The following NRXN3 variants were observed in gnomAD, a reference collection of about 807,000 sequenced individuals.
NRXN3 encodes the protein neurexin III.
Under a neutral mutation model 137.6 loss-of-function variants are expected in NRXN3, and 32 were observed. That is an observed-to-expected ratio of 0.23 (90% CI 0.18 to 0.31). The LOEUF is 0.31. Among genes scored for constraint, NRXN3 ranks in the 10% least tolerant of loss-of-function variants. NRXN3 has a pLI of 1.00. For synonymous variants in NRXN3, 798 were observed against 784.5 expected (o/e 1.02, Z -0.29); for missense variants, 1,574 against 2,062.5 (o/e 0.76, Z 4.59).
intron 4 of NRXN3, among the ~76,000 whole-genome samples, chr14:78,341,194 A>T (rs2082111193): frequency 6.6e-6 from 1 of 152,104 alleles, no homozygotes; most frequent in Non-Finnish European, 1.5e-5. Context: ...TTTGGGGGGA[A>T]TTGGTCCCCA....
At chr14:78,445,606 ATTATC>A (rs1340059911) in intron 4 of NRXN3, among the ~76,000 whole-genome samples, 1 of 152,130 alleles carries the variant, frequency 6.6e-6, no homozygotes, top group Non-Finnish European at 1.5e-5. Context: ...GCACAGCTTT[ATTATC>A]TTAAAGCATT....
intron 1 of NRXN3, among the ~76,000 whole-genome samples, chr14:78,234,785 G>A (rs1250837848): frequency 6.7e-6 from 1 of 149,948 alleles, no homozygotes; most frequent in Admixed American, 6.7e-5. Context: ...TGGAACATGG[G>A]TGCTCCATGG....
At chr14:78,994,145 C>T (rs920674342) in intron 15 of NRXN3, among the ~76,000 whole-genome samples, 28 of 152,006 alleles carry the variant, frequency 1.8e-4, no homozygotes, top group African/African-American at 6.3e-4. Context: ...TGAGCCACTG[C>T]GCCTGGCTGC....
rs960260136 is a variant in NRXN3, at chr14:79,641,777, G to A, written c.3445-22001G>A. Among the ~76,000 whole-genome samples, 11 of 135,332 alleles carry A rather than the reference G, an allele frequency of 8.1e-5. 2 individuals carry two copies. Among genetic ancestry groups the A allele is most frequent in the African/African-American group, 1.5e-4 (6 of 40,712 alleles). 88.8% of individuals were successfully genotyped at this position (135,332 alleles called of 152,430 possible). A position where few individuals can be genotyped will look rare whatever the true frequency, so the allele number is the denominator to read the frequency against. On this transcript the variant is annotated intron_variant, in intron 16 of 20. Transcript: ENST00000335750. ...TAGTAGTCCAGACAGAAACAGTTTT[G>A]GTGGTTGCTTGAGTTCTCCCAGTTG...
At chr14:79,310,196 T>TC (rs1194578672) in intron 15 of NRXN3, among the ~76,000 whole-genome samples, 13 of 94,378 alleles carry the variant, frequency 1.4e-4, no homozygotes, top group African/African-American at 7.1e-4. Context: ...GGGAATCCTT[T>TC]CCCCATTGCT....
intron 8 of NRXN3, among the ~76,000 whole-genome samples, chr14:78,734,277 A>G (rs1234338951): frequency 3.3e-5 from 5 of 151,394 alleles, no homozygotes; most frequent in Non-Finnish European, 5.9e-5. Context: ...ACTAATTCCT[A>G]TATTTCCCAT....
At chr14:78,373,075 C>T (rs1269022682) in intron 4 of NRXN3, among the ~76,000 whole-genome samples, 1 of 152,176 alleles carries the variant, frequency 6.6e-6, no homozygotes, top group Non-Finnish European at 1.5e-5. Context: ...AATTGGTATG[C>T]AGGCTCAAGG....
At chr14:78,967,577 C>T (rs1001769773) in intron 13 of NRXN3, among the ~76,000 whole-genome samples, 179 bp downstream of exon 13, 1 of 152,130 alleles carries the variant, frequency 6.6e-6, no homozygotes, top group Non-Finnish European at 1.5e-5. Flanking sequence ...TTAGACTACT[C>T]ATCAAGAAAT....
At chr14:78,695,458 C>T (rs1287670655) in intron 6 of NRXN3, 1 of 151,988 alleles carries the variant, frequency 6.6e-6, no homozygotes, top group Non-Finnish European at 1.5e-5. Flanking sequence ...GACTTCCAAA[C>T]TGATGGTCCG....
intron 19 of NRXN3, among the ~76,000 whole-genome samples, chr14:79,721,488 A>G (rs894550638): frequency 6.6e-6 from 1 of 152,192 alleles, no homozygotes; most frequent in East Asian, 1.9e-4. Context: ...AGAGCACTGT[A>G]TCTTTTGCTT....
chr14:79,818,160 T>TCTC (rs1174153465), intron 20 of NRXN3, among the ~76,000 whole-genome samples: 1 of 148,934 alleles, frequency 6.7e-6, no homozygotes, highest in African/African-American at 2.5e-5. Context: ...TTCACGCCAT[T>TCTC]CTCCTGCCTC....
chr14:79,075,998 A>G (rs550697090), intron 15 of NRXN3, among the ~76,000 whole-genome samples: 52 of 152,306 alleles, frequency 3.4e-4, no homozygotes, highest in Non-Finnish European at 7.1e-4. Flanking sequence ...GTGCTCCTGT[A>G]CTAGTCAAGC....
rs546126980 is a variant in NRXN3 at position 78,484,033 on chromosome 14, G to C, written c.758-161087G>C. On this transcript the variant is annotated intron_variant, in intron 4 of 20. Transcript: ENST00000335750. ...ACACACACACACACACACACAGAGAGAGAGAGAGAGAGAGAGCAAAAAAAG... is the reference window on the plus strand; with the variant it reads ...ACACACACACACACACACACAGAGACAGAGAGAGAGAGAGAGCAAAAAAAG... Among the ~76,000 whole-genome samples, 3,364 of 128,728 alleles carry C rather than the reference G, an allele frequency of 0.026. 144 individuals are homozygous for C. In the East Asian group the frequency reaches 0.27, roughly 10 times the overall value. The allele number at this position is 128,728 out of a possible 152,430, so 84.5% of individuals were successfully genotyped here.
intron 1 of NRXN3, among the ~76,000 whole-genome samples, chr14:78,209,639 A>C: frequency 6.6e-6 from 1 of 152,152 alleles, no homozygotes; most frequent in East Asian, 1.9e-4. Context: ...ATGAGAACTC[A>C]CTACCACGAG....
chr14:78,692,414 G>C (rs897509535), intron 6 of NRXN3, among the ~76,000 whole-genome samples: 7 of 152,154 alleles, frequency 4.6e-5, no homozygotes, highest in Admixed American at 2.0e-4. Context: ...GGTAAATGGT[G>C]GGATACTGCT....
At chr14:78,277,558 T>G (rs974130103) in intron 2 of NRXN3, among the ~76,000 whole-genome samples, 3 of 152,150 alleles carry the variant, frequency 2.0e-5, no homozygotes, top group Admixed American at 1.3e-4. Context: ...AGAACTAAAC[T>G]AGGTACTTAG....
At chr14:78,214,341 A>T (rs2063044208) in intron 1 of NRXN3, among the ~76,000 whole-genome samples, 1 of 152,188 alleles carries the variant, frequency 6.6e-6, no homozygotes. Flanking sequence ...GGAGGGCTGG[A>T]GTCCCCTCCT....
chr14:78,657,963 T>C (rs2097797994), intron 6 of NRXN3, among the ~76,000 whole-genome samples: 1 of 152,224 alleles, frequency 6.6e-6, no homozygotes, highest in African/African-American at 2.4e-5. Context: ...CTTTCTTCCT[T>C]ACTCATTTTC....
At chr14:78,385,771 A>C (rs1362468715) in intron 4 of NRXN3, among the ~76,000 whole-genome samples, 1 of 152,130 alleles carries the variant, frequency 6.6e-6, no homozygotes, top group Non-Finnish European at 1.5e-5. Context: ...GGACCTTCTC[A>C]CAAGGTTTAG....
Sources: allele counts gnomAD v4.1 joint callset (sites outside exome capture counted in the v4.1 genomes callset), GRCh38; gene constraint gnomAD v4.1.1; transcripts MANE v1.5; gene names NCBI Gene and HGNC (gene_info 2026-07-23, HGNC 2026-07-21).